ANKS1B: variants seen among roughly 807,000 people sequenced by gnomAD.
The protein encoded by ANKS1B is ankyrin repeat and sterile alpha motif domain containing 1B.
Under a neutral mutation model 148.3 loss-of-function variants are expected in ANKS1B, and 36 were observed. The ratio of observed to expected loss-of-function variants is 0.24; its 90% CI spans 0.19 to 0.32. The LOEUF (loss-of-function observed/expected upper bound fraction) is 0.32, where lower values mean the gene tolerates loss of function less well. Among genes scored for constraint, ANKS1B ranks in the 10% least tolerant of loss-of-function variants. The pLI is 1.00. For synonymous variants in ANKS1B, 542 were observed against 560.8 expected, an observed-to-expected ratio of 0.97 and a Z score of 0.47; for missense variants, 1,157 against 1,542.6, an observed-to-expected ratio of 0.75 and a Z score of 4.19.
At chr12:98,879,347 A>G (rs1170993029) in intron 17 of ANKS1B, among the ~76,000 whole-genome samples, 1 of 152,232 alleles carries the variant, frequency 6.6e-6, no homozygotes, top group African/African-American at 2.4e-5. Context: ...GATGAGCAAA[A>G]TAAGTCTTAG....
intron 9 of ANKS1B, among the ~76,000 whole-genome samples, chr12:99,510,485 G>A (rs2096753929): frequency 6.6e-6 from 1 of 151,946 alleles, no homozygotes; most frequent in Non-Finnish European, 1.5e-5. Context: ...GGAAGTAACT[G>A]CAGATGTGAC....
At chr12:99,570,794 A>G (rs146064954) in intron 9 of ANKS1B, among the ~76,000 whole-genome samples, 59 of 152,226 alleles carry the variant, frequency 3.9e-4, no homozygotes, top group African/African-American at 1.3e-3. Context: ...TATACTTTAT[A>G]AAAGTATATA....
chr12:99,612,825 CT>C (rs1216167925), intron 9 of ANKS1B, among the ~76,000 whole-genome samples: 1 of 152,082 alleles, frequency 6.6e-6, no homozygotes, highest in African/African-American at 2.4e-5. Flanking sequence ...TTAGTTTCTA[CT>C]TCTCTAGCCT....
chr12:99,959,227 ATTTTT>A lies in ANKS1B; in HGVS notation c.134+24872_134+24876del, dbSNP rs71088166. 1.7e-4 allele frequency among the ~76,000 whole-genome samples: 17 copies of A among 99,872 alleles called. No individual in the cohort carries two copies. The East Asian group carries it at 4.0e-3, about 23-fold the overall frequency. 65.5% of individuals were successfully genotyped at this position (99,872 alleles called of 152,430 possible). A position where few individuals can be genotyped will look rare whatever the true frequency, so the allele number is the denominator to read the frequency against. On this transcript the variant is annotated intron_variant, in intron 1 of 26. Transcript: ENST00000683438. ...AGGTGCAGGCCACCACACCCAGTTA[ATTTTT>A]TTTTTTTTTTTTTTTTTTGTATTTT... is the stretch of plus-strand genomic sequence containing the variant.
At chr12:99,563,729 C>G (rs910083179) in intron 9 of ANKS1B, among the ~76,000 whole-genome samples, 1 of 152,100 alleles carries the variant, frequency 6.6e-6, no homozygotes, top group Non-Finnish European at 1.5e-5. Context: ...AGCATTGCCA[C>G]AAACCTTCAA....
intron 9 of ANKS1B, among the ~76,000 whole-genome samples, chr12:99,524,753 C>CAAGCAAAAGGGG: frequency 6.6e-6 from 1 of 152,234 alleles, no homozygotes; most frequent in Middle Eastern, 3.4e-3. Context: ...GAACGAGAGC[C>CAAGCAAAAGGGG]AAGCAAAAGG....
intron 16 of ANKS1B, among the ~76,000 whole-genome samples, chr12:99,057,122 A>G (rs1473135108): frequency 6.6e-6 from 1 of 152,160 alleles, no homozygotes; most frequent in African/African-American, 2.4e-5. Context: ...TCTTCTTCCA[A>G]AATGGACTTT....
intron 15 of ANKS1B, among the ~76,000 whole-genome samples, chr12:99,113,874 C>G (rs1330970911): frequency 6.6e-6 from 1 of 152,060 alleles, no homozygotes; most frequent in Admixed American, 6.6e-5. Flanking sequence ...AATTAAGAAA[C>G]TTTTTAGAAT....
chr12:99,062,579 TG>T (rs1255132307), intron 16 of ANKS1B, among the ~76,000 whole-genome samples: 3 of 152,052 alleles, frequency 2.0e-5, no homozygotes, highest in African/African-American at 7.2e-5. Context: ...AATAAAATGA[TG>T]AAGGAGAAGG....
intron 14 of ANKS1B, among the ~76,000 whole-genome samples, chr12:99,191,640 A>C (rs2153882934): frequency 6.6e-6 from 1 of 152,306 alleles, no homozygotes; most frequent in Middle Eastern, 3.4e-3. Context: ...TGGGAACTGA[A>C]CAATGAGAAC....
chr12:99,823,485 T>C (rs567558789), intron 2 of ANKS1B, among the ~76,000 whole-genome samples: 4 of 152,278 alleles, frequency 2.6e-5, no homozygotes, highest in African/African-American at 9.6e-5. Flanking sequence ...TTTGTAATTT[T>C]AGTAGAGACA....
chr12:99,036,496 A>G (rs2099955667), intron 17 of ANKS1B, among the ~76,000 whole-genome samples: 1 of 152,218 alleles, frequency 6.6e-6, no homozygotes, highest in Admixed American at 6.5e-5. Flanking sequence ...AGTGCCTCAC[A>G]ATTGCCATCA....
chr12:99,709,119 A>G (rs939286908), intron 8 of ANKS1B, among the ~76,000 whole-genome samples: 18 of 152,144 alleles, frequency 1.2e-4, no homozygotes, highest in African/African-American at 4.3e-4. Context: ...TATCTTGGCA[A>G]TCTCATGAAT....
intron 22 of ANKS1B, among the ~76,000 whole-genome samples, chr12:98,796,551 G>C (rs1463696463): frequency 6.6e-6 from 1 of 152,146 alleles, no homozygotes; most frequent in Non-Finnish European, 1.5e-5. Flanking sequence ...CAATAGAATA[G>C]TTCCAGATAG....
chr12:99,584,425 C>T (rs1045746415), intron 9 of ANKS1B, among the ~76,000 whole-genome samples: 3 of 152,000 alleles, frequency 2.0e-5, no homozygotes, highest in Admixed American at 1.3e-4. Context: ...CATGGTGAAA[C>T]TCCGTCTCAA....
At chr12:99,148,358 A>G (rs1335684515) in intron 15 of ANKS1B, among the ~76,000 whole-genome samples, 2 of 152,094 alleles carry the variant, frequency 1.3e-5, no homozygotes, top group Non-Finnish European at 2.9e-5. Context: ...ATTTAATCAG[A>G]GCAACTTCCA....
At chr12:98,906,885 C>A (rs535702464) in intron 17 of ANKS1B, among the ~76,000 whole-genome samples, 67 of 152,120 alleles carry the variant, frequency 4.4e-4, no homozygotes, top group African/African-American at 1.6e-3. Flanking sequence ...AATTAACAAG[C>A]AAAACATGTA....
intron 11 of ANKS1B, among the ~76,000 whole-genome samples, chr12:99,423,710 C>A (rs2152723412): frequency 6.6e-6 from 1 of 152,200 alleles, no homozygotes; most frequent in African/African-American, 2.4e-5. Flanking sequence ...AGCTGGAGGT[C>A]ATTATCCTTA....
intron 4 of ANKS1B, among the ~76,000 whole-genome samples, chr12:99,794,870 G>C (rs1279038600): frequency 6.6e-6 from 1 of 151,894 alleles, no homozygotes; most frequent in Non-Finnish European, 1.5e-5. Context: ...AAATGCTTGA[G>C]GGGATGGATA....
Sources: gnomAD v4.1 joint callset for allele counts (sites outside exome capture counted in the v4.1 genomes callset) on GRCh38, gnomAD v4.1.1 for gene constraint, MANE v1.5 for transcripts, NCBI Gene and HGNC (gene_info 2026-07-23, HGNC 2026-07-21) for gene names.